Variants in CD244 observed in about 807,000 individuals in gnomAD.
CD244 encodes the protein natural killer cell receptor 2B4.
Under a neutral mutation model 45.5 loss-of-function variants are expected in CD244, and 20 were observed. The ratio of observed to expected loss-of-function variants is 0.44; its 90% CI spans 0.31 to 0.64. The LOEUF is 0.64. CD244 is among the 30% of genes least tolerant of loss of function. CD244 has a pLI of 0.08. For synonymous variants in CD244, 185 were observed against 160.5 expected (o/e 1.15, Z -1.15); for missense variants, 407 against 426.9 (o/e 0.95, Z 0.41).
At position 160,834,119 on chromosome 1, in the gene CD244, A is replaced by G. The variant is rs757528907; in HGVS notation, c.895-3T>C. 8 of 1,587,130 alleles carry G rather than the reference A, an allele frequency of 5.0e-6. No homozygotes were observed. The highest frequency in any genetic ancestry group is 3.3e-5 in the South Asian group (3 of 90,520). ...TCTTGTGACGTGGGAGCAGAAGACT[A>G]ATGAGAAGAGAAATAAAATCATTTC... On this transcript the variant is annotated splice_polypyrimidine_tract_variant and splice_region_variant and intron_variant, in intron 6 of 8. Transcript: ENST00000368034.
In CD244 at chr1:160,838,462, T is replaced by C. The variant is rs1669409200; in HGVS notation, c.823A>G (p.Arg275Gly). 6.2e-7 allele frequency: 1 copy of C among 1,612,970 alleles called. No homozygotes were observed. Among genetic ancestry groups the C allele is most frequent in the Admixed American group, 1.7e-5 (1 of 59,994 alleles). ...CCGGGATGACATACGTGATTTCTCC[T>C]GGTTTTCAGATCCTTGACATCTTCG... ...IYEDVKDLKT[R>G]RNHEQEQTFP... Residue 275 changes from arginine (R) to glycine (G), a missense_variant, in exon 5 of 9, where the codon AGG becomes GGG. Physicochemically the swap from Arg to Gly is moderately radical, Grantham distance 125. Transcript: ENST00000368034.
At position 160,838,121 on chromosome 1, in the gene CD244, A is replaced by G. The variant is rs562215182; in HGVS notation, c.834+330T>C. Among the ~76,000 whole-genome samples the G allele has an allele frequency of 3.9e-5, 6 of 152,350 alleles. No homozygotes were observed. The East Asian group carries it at 1.2e-3, about 29-fold the overall frequency. On this transcript the variant is annotated intron_variant, in intron 5 of 8. Coordinates refer to ENST00000368034, the MANE Select transcript of CD244 (RefSeq NM_016382.4). ...AATGTAAGCCCTGACTCATTAGGAA[A>G]AAGAATTTGTGGTCAGACAACAAAT...
chr1:160,851,743 A>G (rs940779645), intron 1 of CD244, among the ~76,000 whole-genome samples: 1 of 152,152 alleles, frequency 6.6e-6, no homozygotes. Flanking sequence ...GAGTTTCACC[A>G]TGTTGCCAAG....
intron 3 of CD244, chr1:160,839,291 G>A (rs1424140182): frequency 5.0e-6 from 2 of 396,318 alleles, no homozygotes; most frequent in Non-Finnish European, 9.1e-6. Flanking sequence ...TGTGAGCTCT[G>A]CACTATTTAT....
chr1:160,847,809 A>AATG (rs551004562), intron 1 of CD244, among the ~76,000 whole-genome samples: 17 of 152,284 alleles, frequency 1.1e-4, no homozygotes, highest in Admixed American at 3.9e-4. Context: ...TAATTCAAAT[A>AATG]ATGATGATGA....
intron 1 of CD244, among the ~76,000 whole-genome samples, chr1:160,843,065 G>T (rs1557836866): frequency 6.6e-6 from 1 of 152,082 alleles, no homozygotes; most frequent in Non-Finnish European, 1.5e-5. Flanking sequence ...AGACAGAGGG[G>T]TTTTTATATG....
At chr1:160,853,154 C>T (rs755947856) in intron 1 of CD244, among the ~76,000 whole-genome samples, 1 of 152,094 alleles carries the variant, frequency 6.6e-6, no homozygotes, top group Non-Finnish European at 1.5e-5. Flanking sequence ...GCAAATAAAT[C>T]GTGTTATAGT....
chr1:160,856,889 T>C (rs775464918), intron 1 of CD244, among the ~76,000 whole-genome samples: 3 of 142,086 alleles, frequency 2.1e-5, no homozygotes, highest in South Asian at 4.7e-4. Context: ...AGGCAACCAA[T>C]AGAATAGGAA....
intron 1 of CD244, among the ~76,000 whole-genome samples, chr1:160,858,247 G>C (rs370203001): frequency 8.2e-5 from 12 of 146,104 alleles, no homozygotes; most frequent in African/African-American, 3.0e-4. Context: ...ATGAGGAAGA[G>C]AAGAGCAAAA....
At chr1:160,835,914 C>G (rs944180876) in intron 6 of CD244, among the ~76,000 whole-genome samples, 10 of 152,150 alleles carry the variant, frequency 6.6e-5, no homozygotes, top group African/African-American at 2.4e-4. Flanking sequence ...AGTTGAGTCC[C>G]CTAACCAGGT....
At chr1:160,858,619 C>T (rs1044995405) in intron 1 of CD244, among the ~76,000 whole-genome samples, 1 of 152,182 alleles carries the variant, frequency 6.6e-6, no homozygotes, top group Non-Finnish European at 1.5e-5. Flanking sequence ...CCAGGCTGCC[C>T]GTTAAGATGC....
At chr1:160,852,604 G>A (rs1409906610) in intron 1 of CD244, among the ~76,000 whole-genome samples, 1 of 152,188 alleles carries the variant, frequency 6.6e-6, no homozygotes, top group Non-Finnish European at 1.5e-5. Flanking sequence ...AGAGATGGGA[G>A]CAACTGAGAT....
rs1423215687 is a variant in CD244, at chr1:160,841,437, C to G, written c.428G>C (p.Arg143Thr). Residue 143 changes from arginine to threonine, a missense_variant, in exon 3 of 9, where the codon AGA becomes ACA. Physicochemically the swap from Arg to Thr is moderately conservative, Grantham distance 71. Transcript: ENST00000368034. ...RLQGQGKILD[R>T]GRCQVALSCL... ...AGACAGAGCCACTTGGCATCTCCCT[C>G]TGTCCAGGATCTTCCCCTGCCCCTG... 8 of 1,614,200 alleles carry G rather than the reference C, an allele frequency of 5.0e-6. No individual in the cohort carries two copies. Among genetic ancestry groups the G allele is most frequent in the Non-Finnish European group, 6.8e-6 (8 of 1,180,042 alleles).
At chr1:160,836,095 A>G in intron 6 of CD244, 100 bp downstream of exon 6, 2 of 877,856 alleles carry the variant, frequency 2.3e-6, no homozygotes, top group Non-Finnish European at 3.8e-6. Flanking sequence ...TTCTAGAAGC[A>G]CCAAGATCTT....
intron 1 of CD244, among the ~76,000 whole-genome samples, chr1:160,845,295 A>C (rs954939751): frequency 5.9e-5 from 9 of 152,224 alleles, no homozygotes; most frequent in Admixed American, 4.6e-4. Flanking sequence ...GATGCCATTG[A>C]AAAGAGAATT....
rs1344233935 is a variant in CD244, at chr1:160,844,914, G to T, written c.62-3013C>A. Among the ~76,000 whole-genome samples, 5 of 152,242 alleles carry T rather than the reference G, an allele frequency of 3.3e-5. No individual in the cohort carries two copies. The South Asian group carries it at 8.3e-4, about 25-fold the overall frequency. ...TGCTTGAACCCGGGAGATGGAGCTT[G>T]CAGTGAGCCGAGATATCATGCCACT... On this transcript the variant is annotated intron_variant, in intron 1 of 8. Coordinates refer to ENST00000368034, the MANE Select transcript of CD244 (RefSeq NM_016382.4).
At chr1:160,836,382 G>A (rs1413541308) in intron 5 of CD244, 128 bp from the exon 6 acceptor site, 3 of 722,686 alleles carry the variant, frequency 4.2e-6, no homozygotes, top group African/African-American at 1.7e-5. Context: ...GCAGGACTGG[G>A]GAGAGTCATT....
intron 1 of CD244, among the ~76,000 whole-genome samples, chr1:160,847,343 C>A (rs1375299202): frequency 6.6e-6 from 1 of 151,824 alleles, no homozygotes; most frequent in African/African-American, 2.4e-5. Flanking sequence ...GATCATTAAA[C>A]CAATATATAT....
chr1:160,837,618 C>A (rs1669379184), intron 5 of CD244, among the ~76,000 whole-genome samples: 1 of 152,218 alleles, frequency 6.6e-6, no homozygotes, highest in African/African-American at 2.4e-5. Flanking sequence ...ATGTGGCCAG[C>A]ACGGAAGAGC....
Sources: allele counts gnomAD v4.1 joint callset (sites outside exome capture counted in the v4.1 genomes callset), GRCh38; gene constraint gnomAD v4.1.1; transcripts MANE v1.5; gene names NCBI Gene and HGNC (gene_info 2026-07-23, HGNC 2026-07-21).